The following RIPOR2 variants were observed in gnomAD, a reference collection of about 807,000 sequenced individuals.
The protein encoded by RIPOR2 is rho family-interacting cell polarization regulator 2.
Under a neutral mutation model 114.5 loss-of-function variants are expected in RIPOR2, and 39 were observed. The observed-to-expected ratio is 0.34, with a 90% CI of 0.26 to 0.44. The LOEUF (loss-of-function observed/expected upper bound fraction) is 0.44. Ranked by LOEUF, RIPOR2 falls within the 20% of genes least tolerant of loss-of-function variation. RIPOR2 has a pLI of 1.00. For missense variants in RIPOR2, 1,007 were observed against 1,255.1 expected (o/e 0.80, Z 2.99); for synonymous variants, 445 against 484.4 (o/e 0.92, Z 1.07).
chr6:24,936,980 C>T (rs369377201), upstream of RIPOR2, among the ~76,000 whole-genome samples: 8 of 152,120 alleles, frequency 5.3e-5, no homozygotes, highest in African/African-American at 1.9e-4. Context: ...GAAACTGTCC[C>T]CTCCTCCTGT....
chr6:24,862,277 C>T (rs1250136328), intron 7 of RIPOR2, among the ~76,000 whole-genome samples: 1 of 152,248 alleles, frequency 6.6e-6, no homozygotes, highest in Non-Finnish European at 1.5e-5. Context: ...TCCATTGAAG[C>T]TTGATGCAGG....
At chr6:24,856,780 T>A (rs539289332) in intron 8 of RIPOR2, among the ~76,000 whole-genome samples, 2 of 152,224 alleles carry the variant, frequency 1.3e-5, no homozygotes, top group Non-Finnish European at 2.9e-5. Context: ...CCTCTGCAAA[T>A]TAGTTCAGGA....
chr6:24,851,843 C>A (rs768147257), intron 9 of RIPOR2, among the ~76,000 whole-genome samples: 21 of 151,946 alleles, frequency 1.4e-4, no homozygotes, highest in Non-Finnish European at 2.8e-4. Flanking sequence ...AGCTGAAGAG[C>A]CAGTGTTATA....
chr6:24,850,743 G>A lies in RIPOR2; in HGVS notation c.760-21C>T, dbSNP rs375483131. 3.7e-5 allele frequency: 59 copies of A among 1,612,778 alleles called. No homozygotes were observed. In the African/African-American group the frequency reaches 4.8e-4, roughly 13 times the overall value. On this transcript the variant is annotated intron_variant, in intron 9 of 21. Coordinates refer to ENST00000643898, the MANE Select transcript of RIPOR2 (RefSeq NM_001286445.3). The stretch of plus-strand genomic sequence containing the variant: ...AAAATCTGGAGAGGAGACATCCAAG[G>A]GCCTTCATGTCTTGCCACCCCCTCT...
At chr6:24,954,854 T>C (rs1023048035) in intron 1 of RIPOR2, among the ~76,000 whole-genome samples, 7 of 152,176 alleles carry the variant, frequency 4.6e-5, no homozygotes, top group Non-Finnish European at 1.0e-4. Flanking sequence ...GATAATAAAA[T>C]GTATGCCTTC....
At chr6:24,976,455 G>A (rs976062739) in intron 1 of RIPOR2, 68 of 1,568,782 alleles carry the variant, frequency 4.3e-5, no homozygotes, top group Non-Finnish European at 5.7e-5. Flanking sequence ...CATTGCCGTC[G>A]ACGGTGAGCC....
At chr6:24,868,667 G>A (rs1449719237) in intron 6 of RIPOR2, among the ~76,000 whole-genome samples, 3 of 152,158 alleles carry the variant, frequency 2.0e-5, no homozygotes, top group Admixed American at 1.3e-4. Context: ...AGAGATTGAG[G>A]GAGGCGCTGA....
intron 4 of RIPOR2, among the ~76,000 whole-genome samples, chr6:24,872,185 A>G (rs1254759915): frequency 6.6e-6 from 1 of 152,212 alleles, no homozygotes; most frequent in African/African-American, 2.4e-5. Context: ...CACCTCTTCA[A>G]TCACACAAGT....
At chr6:24,886,000 A>T (rs564493745) in intron 1 of RIPOR2, among the ~76,000 whole-genome samples, 3 of 152,338 alleles carry the variant, frequency 2.0e-5, no homozygotes, top group African/African-American at 7.2e-5. Flanking sequence ...TTTACAAAAA[A>T]GATTTTGATT....
At chr6:24,873,578 A>G in intron 3 of RIPOR2, 66 bp downstream of exon 3, 2 of 1,436,370 alleles carry the variant, frequency 1.4e-6, no homozygotes, top group African/African-American at 2.9e-5. Context: ...ATGATCTCAT[A>G]AGACCAGCTT....
At chr6:24,825,003 T>C (rs977667578) in intron 19 of RIPOR2, among the ~76,000 whole-genome samples, 23 of 152,234 alleles carry the variant, frequency 1.5e-4, no homozygotes, top group African/African-American at 5.3e-4. Flanking sequence ...TATATATAGA[T>C]ACAATCTGAA....
chr6:24,996,004 G>A (rs1308762917), intron 1 of RIPOR2, among the ~76,000 whole-genome samples: 4 of 152,102 alleles, frequency 2.6e-5, no homozygotes, highest in South Asian at 2.1e-4. Flanking sequence ...AGGTTTCACC[G>A]TGTTAGCCAG....
chr6:25,032,117 T>C (rs562045724), intron 1 of RIPOR2, among the ~76,000 whole-genome samples: 2 of 151,570 alleles, frequency 1.3e-5, no homozygotes, highest in South Asian at 4.2e-4. Flanking sequence ...TTGGGGTTCT[T>C]TGCCGACTCA....
intron 1 of RIPOR2, among the ~76,000 whole-genome samples, chr6:24,910,074 G>T (rs940009169): frequency 1.3e-5 from 2 of 152,164 alleles, no homozygotes; most frequent in Non-Finnish European, 2.9e-5. Flanking sequence ...GAGCTAGAAG[G>T]TTATCGTCTC....
At chr6:24,828,646 T>C (rs9393591) in intron 17 of RIPOR2, among the ~76,000 whole-genome samples, 36,711 of 151,906 alleles carry the variant, frequency 0.24, 4,837 homozygotes, top group African/African-American at 0.36. Flanking sequence ...CATAAGGTTT[T>C]CTTGTGCCCC....
chr6:24,865,111 C>G (rs1292076427), intron 7 of RIPOR2, among the ~76,000 whole-genome samples, 190 bp downstream of exon 7: 3 of 152,174 alleles, frequency 2.0e-5, no homozygotes, highest in Non-Finnish European at 4.4e-5. Context: ...CCACTCCCAG[C>G]TTATTCATTC....
chr6:24,890,657 C>CT (rs70974945), intron 1 of RIPOR2, among the ~76,000 whole-genome samples: 9,536 of 139,018 alleles, frequency 0.069, 303 homozygotes, highest in South Asian at 0.11. Context: ...AGATTTTTTT[C>CT]TTTTTTTTTT....
At chr6:24,926,025 TAAAACAAAAACAAAACAC>T (rs144519512) in intron 1 of RIPOR2, among the ~76,000 whole-genome samples, 14,496 of 152,242 alleles carry the variant, frequency 0.095, 806 homozygotes, top group Non-Finnish European at 0.11. Context: ...CAATGGAATC[TAAAACAAAAACAAAACAC>T]CACTAGAGGG....
At chr6:24,911,494 G>A (rs566432711) in intron 1 of RIPOR2, among the ~76,000 whole-genome samples, 6 of 152,146 alleles carry the variant, frequency 3.9e-5, no homozygotes, top group East Asian at 1.9e-4. Flanking sequence ...GGCGGTGTGA[G>A]GGTGAGGTTG....
Sources: gnomAD v4.1 joint callset for allele counts (sites outside exome capture counted in the v4.1 genomes callset) on GRCh38, gnomAD v4.1.1 for gene constraint, MANE v1.5 for transcripts, NCBI Gene and HGNC (gene_info 2026-07-23, HGNC 2026-07-21) for gene names.